Variants in RIC1 observed in about 807,000 individuals in gnomAD.
RIC1 encodes RIC1 partner of RAB6A GEF complex, also known as guanine nucleotide exchange factor subunit RIC1.
A neutral mutation model predicts 169.0 loss-of-function variants in RIC1; 88 were observed. That is an observed-to-expected ratio of 0.52 (90% confidence interval 0.44 to 0.62). RIC1 has a LOEUF of 0.62. Among genes scored for constraint, RIC1 ranks in the 20% least tolerant of loss-of-function variants. The pLI, the probability that RIC1 is intolerant of heterozygous loss-of-function variation, is 0.00. For missense variants in RIC1, 1,877 were observed against 1,725.5 expected (o/e 1.09, Z -1.56); for synonymous variants, 790 against 601.5 (o/e 1.31, Z -4.59).
intron 7 of RIC1, among the ~76,000 whole-genome samples, chr9:5,735,833 T>C (rs1824669303): frequency 6.6e-6 from 1 of 152,242 alleles, no homozygotes; most frequent in African/African-American, 2.4e-5. Context: ...GGTGATGATA[T>C]ATATTTCCTA....
intron 4 of RIC1, among the ~76,000 whole-genome samples, chr9:5,716,092 C>T (rs1489505921): frequency 1.3e-5 from 2 of 152,090 alleles, no homozygotes; most frequent in African/African-American, 4.8e-5. Flanking sequence ...GATCTCCCCT[C>T]CTTGGCCTCT....
chr9:5,689,925 C>T (rs750978672), intron 2 of RIC1, 34 bp from the exon 3 acceptor site: 9 of 1,409,918 alleles, frequency 6.4e-6, no homozygotes, highest in African/African-American at 1.4e-5. Context: ...TAGCCTTACT[C>T]TTTAATTCAT....
rs768708926 is a variant in RIC1, at chr9:5,754,831, T to G, written c.1603-10T>G. 5 of 1,529,938 alleles carry G rather than the reference T, an allele frequency of 3.3e-6. No individual in the cohort carries two copies. The highest frequency in any genetic ancestry group is 4.4e-6 in the Non-Finnish European group (5 of 1,126,566). The allele number at this position is 1,529,938 out of a possible 1,614,324, so 94.8% of individuals were successfully genotyped here. ...ATAAGGTAAATTTTTTAAAAAATTT[T>G]TATTTTAAGGAGCAAAATATGATCG... On this transcript the variant is annotated splice_polypyrimidine_tract_variant and intron_variant, in intron 14 of 25. Coordinates refer to ENST00000414202, the MANE Select transcript of RIC1 (RefSeq NM_020829.4).
chr9:5,737,241 A>G (rs911436987), intron 7 of RIC1, among the ~76,000 whole-genome samples: 1 of 148,588 alleles, frequency 6.7e-6, no homozygotes, highest in Non-Finnish European at 1.5e-5. Flanking sequence ...GCTTAGACGT[A>G]TTATAGAGAT....
chr9:5,694,969 A>G (rs1178495813), intron 3 of RIC1, among the ~76,000 whole-genome samples: 4 of 152,194 alleles, frequency 2.6e-5, no homozygotes, highest in Non-Finnish European at 4.4e-5. Flanking sequence ...AAAAACAACA[A>G]AACAAAAAGC....
At chr9:5,650,153 G>A (rs1818722250) in intron 1 of RIC1, among the ~76,000 whole-genome samples, 1 of 152,066 alleles carries the variant, frequency 6.6e-6, no homozygotes, top group African/African-American at 2.4e-5. Context: ...TGATTCTTAG[G>A]CCTCCATATG....
chr9:5,667,033 G>C (rs1259197895), intron 2 of RIC1, among the ~76,000 whole-genome samples: 1 of 152,116 alleles, frequency 6.6e-6, no homozygotes, highest in Non-Finnish European at 1.5e-5. Flanking sequence ...TTTTCAAAGA[G>C]TCAACTTTTG....
intron 2 of RIC1, among the ~76,000 whole-genome samples, chr9:5,666,000 G>A (rs994516797): frequency 1.9e-4 from 29 of 152,130 alleles, no homozygotes; most frequent in African/African-American, 7.0e-4. Flanking sequence ...ATTGGTATGG[G>A]CTCTCCAGGA....
intron 3 of RIC1, among the ~76,000 whole-genome samples, chr9:5,697,295 G>C (rs374829718): frequency 8.5e-5 from 13 of 152,172 alleles, no homozygotes; most frequent in African/African-American, 3.1e-4. Flanking sequence ...AAAACCTTAA[G>C]AGGTTAGATG....
At chr9:5,682,548 C>G (rs1270805724) in intron 2 of RIC1, among the ~76,000 whole-genome samples, 1 of 152,116 alleles carries the variant, frequency 6.6e-6, no homozygotes, top group Non-Finnish European at 1.5e-5. Context: ...TGATGGGCTT[C>G]TCTTTGTGGG....
At chr9:5,749,511 G>C (rs973082912) in intron 12 of RIC1, among the ~76,000 whole-genome samples, 1 of 152,080 alleles carries the variant, frequency 6.6e-6, no homozygotes, top group Non-Finnish European at 1.5e-5. Flanking sequence ...TGTCAAAGTT[G>C]ATTTTGTTTG....
Position 5,774,851 on chromosome 9 carries a change from GT to G in RIC1, c.*609del, listed in dbSNP as rs1190136448. ...TATTTACCTGTGAGTTAATGTGCTT[GT>G]TTTAGCAAGCTTGATTCCCATTAGA... On this transcript the variant is annotated 3_prime_UTR_variant, in exon 26 of 26. Transcript: ENST00000414202. The G allele has an allele frequency of 6.6e-6, 1 of 152,216 alleles. No homozygotes were observed. The highest frequency in any genetic ancestry group is 1.5e-5 in the Non-Finnish European group (1 of 68,056). 9.4% of individuals were successfully genotyped at this position (152,216 alleles called of 1,614,324 possible).
At chr9:5,733,135 A>G (rs1264058441) in intron 7 of RIC1, among the ~76,000 whole-genome samples, 1 of 151,844 alleles carries the variant, frequency 6.6e-6, no homozygotes, top group Non-Finnish European at 1.5e-5. Flanking sequence ...AGTGCTTTTT[A>G]GTTTTCTAAA....
At chr9:5,687,631 T>G (rs763847657) in intron 2 of RIC1, among the ~76,000 whole-genome samples, 1 of 152,092 alleles carries the variant, frequency 6.6e-6, no homozygotes, top group South Asian at 2.1e-4. Flanking sequence ...TTTCCAGAAT[T>G]TTTTTTATTT....
intron 19 of RIC1, chr9:5,765,016 C>T (rs990253436): frequency 6.4e-6 from 1 of 157,196 alleles, no homozygotes; most frequent in African/African-American, 2.4e-5. Context: ...AACTCTGCAA[C>T]AGGAGACAGA....
intron 2 of RIC1, among the ~76,000 whole-genome samples, chr9:5,664,281 C>T (rs933960255): frequency 1.6e-4 from 24 of 152,042 alleles, no homozygotes; most frequent in African/African-American, 3.1e-4. Flanking sequence ...AGTGTCGTGG[C>T]GCATACCTGT....
chr9:5,698,339 G>C (rs1822024884), intron 3 of RIC1, among the ~76,000 whole-genome samples: 1 of 152,176 alleles, frequency 6.6e-6, no homozygotes, highest in Admixed American at 6.5e-5. Flanking sequence ...AATTTGATGA[G>C]AAATTACTCC....
At chr9:5,681,085 C>T (rs566218003) in intron 2 of RIC1, among the ~76,000 whole-genome samples, 2 of 152,066 alleles carry the variant, frequency 1.3e-5, no homozygotes, top group East Asian at 3.9e-4. Flanking sequence ...CTCGGCCTCC[C>T]AAAGTGCTGG....
chr9:5,727,816 CCT>C (rs1185052136), intron 6 of RIC1, among the ~76,000 whole-genome samples: 2 of 152,176 alleles, frequency 1.3e-5, no homozygotes, highest in Non-Finnish European at 2.9e-5. Flanking sequence ...CACTCCAGAC[CCT>C]GTTTGCCTGG....
Sources: allele counts gnomAD v4.1 joint callset (sites outside exome capture counted in the v4.1 genomes callset), GRCh38; gene constraint gnomAD v4.1.1; transcripts MANE v1.5; gene names NCBI Gene and HGNC (gene_info 2026-07-23, HGNC 2026-07-21).